The following TNFRSF10D variants were observed in gnomAD, a reference collection of about 807,000 sequenced individuals.
TNFRSF10D encodes the protein TNF receptor superfamily member 10d.
In TNFRSF10D, 28 loss-of-function variants were observed where a neutral mutation model predicts 42.1. That is an observed-to-expected ratio of 0.66 (90% CI 0.49 to 0.91). The LOEUF (loss-of-function observed/expected upper bound fraction) is 0.91, where lower values mean the gene tolerates loss of function less well. TNFRSF10D is among the 40% of genes least tolerant of loss of function. TNFRSF10D has a pLI of 0.00. For synonymous variants in TNFRSF10D, 186 were observed against 189.4 expected (o/e 0.98, Z 0.15); for missense variants, 503 against 486.1 (o/e 1.03, Z -0.33).
At chr8:23,147,710 T>C (rs992434500) in intron 3 of TNFRSF10D, among the ~76,000 whole-genome samples, 3 of 152,000 alleles carry the variant, frequency 2.0e-5, no homozygotes, top group Non-Finnish European at 2.9e-5. Context: ...GCGGATCACC[T>C]GAGGTCGGGA....
intron 4 of TNFRSF10D, among the ~76,000 whole-genome samples, chr8:23,146,419 G>A (rs959986846): frequency 8.5e-5 from 13 of 152,330 alleles, no homozygotes; most frequent in Non-Finnish European, 1.3e-4. Flanking sequence ...GACTTAGTGA[G>A]AAATCGGGGG....
At chr8:23,138,096 C>G (rs888220492) in intron 8 of TNFRSF10D, 92 bp downstream of exon 8, 21 of 1,609,198 alleles carry the variant, frequency 1.3e-5, no homozygotes, top group Non-Finnish European at 1.4e-5. Flanking sequence ...AGTGAAACCT[C>G]CAGAAGAGCC....
chr8:23,161,467 T>C (rs1315939686), intron 1 of TNFRSF10D, among the ~76,000 whole-genome samples: 1 of 152,230 alleles, frequency 6.6e-6, no homozygotes, highest in Non-Finnish European at 1.5e-5. Flanking sequence ...GATGTCCTCC[T>C]GACAGCCTGA....
At chr8:23,163,658 G>A (rs1800407981) in intron 1 of TNFRSF10D, 128 bp downstream of exon 1, 1 of 1,431,400 alleles carries the variant, frequency 7.0e-7, no homozygotes, top group Non-Finnish European at 9.4e-7. Flanking sequence ...CGGCGGGTTC[G>A]TCCTGCCCAG....
intron 3 of TNFRSF10D, among the ~76,000 whole-genome samples, chr8:23,147,518 A>G (rs11135702): frequency 0.2 from 30,154 of 152,136 alleles, 3,446 homozygotes; most frequent in East Asian, 0.5. Flanking sequence ...GACCTGTGCC[A>G]CTGCTGGAAC....
rs1403276015 is a variant in TNFRSF10D, at chr8:23,145,697, A to T, written c.707T>A (p.Phe236Tyr). 3.7e-6 allele frequency: 6 copies of T among 1,614,034 alleles called. No homozygotes were observed. The highest frequency in any genetic ancestry group is 4.2e-6 in the Non-Finnish European group (5 of 1,180,038). Reference sequence around the variant, plus strand: ...GCAGATGCCTTTGAGGTAAGAAATGAATTTCTTCCGACATGAAAAGCCAAC... The same window carrying T: ...GCAGATGCCTTTGAGGTAAGAAATGTATTTCTTCCGACATGAAAAGCCAAC... ...VVVGFSCRKK[F>Y]ISYLKGICSG... Residue 236 changes from phenylalanine to tyrosine, a missense_variant, in exon 5 of 9, where the codon TTC becomes TAC. Coordinates refer to ENST00000312584, the MANE Select transcript of TNFRSF10D (RefSeq NM_003840.5).
rs112816138 is a variant in TNFRSF10D, at chr8:23,137,837, T to C, written c.*33A>G. ...TTCCCTTTGTAGGAGAAAAGGTAAATGAGGGAAGCTCTGGTTTCCTGAAGA... is the reference window on the plus strand; with the variant it reads ...TTCCCTTTGTAGGAGAAAAGGTAAACGAGGGAAGCTCTGGTTTCCTGAAGA... On this transcript the variant is annotated 3_prime_UTR_variant, in exon 9 of 9. Coordinates refer to ENST00000312584, the MANE Select transcript of TNFRSF10D (RefSeq NM_003840.5). The C allele has an allele frequency of 2.2e-3, 3,480 of 1,595,344 alleles. 2 individuals carry two copies. The highest frequency in any genetic ancestry group is 0.019 in the African/African-American group (1,365 of 73,758).
At chr8:23,156,640 C>T (rs1299978645) in intron 1 of TNFRSF10D, among the ~76,000 whole-genome samples, 1 of 151,642 alleles carries the variant, frequency 6.6e-6, no homozygotes, top group East Asian at 1.9e-4. Flanking sequence ...TCTCTGCTCA[C>T]TACAATCTCT....
intron 3 of TNFRSF10D, among the ~76,000 whole-genome samples, chr8:23,147,567 AAT>A (rs1373630022): frequency 1.3e-5 from 2 of 152,206 alleles, no homozygotes; most frequent in East Asian, 3.8e-4. Flanking sequence ...TCTATGCTGT[AAT>A]GATGCCCCCA....
In TNFRSF10D at chr8:23,138,200, C is replaced by T; in HGVS notation, c.1015G>A (p.Asp339Asn). ...RRLLVPVNDADSADISTLLDA... is the reference protein window; with the variant it reads ...RRLLVPVNDANSADISTLLDA... ...ACAAAACACTTACTGTCAGCGGAGT[C>T]AGCGTCATTCACTGGAACCAGCAGC... The change falls in exon 8 of 9, where the codon GAC (aspartate) becomes AAC (asparagine). Residue 339 changes from aspartate (D) to asparagine (N), a missense_variant. Physicochemically the swap from Asp to Asn is conservative, Grantham distance 23. Transcript: ENST00000312584. 2 of 1,614,208 alleles carry T rather than the reference C, an allele frequency of 1.2e-6. No homozygotes were observed. Among genetic ancestry groups the T allele is most frequent in the Non-Finnish European group, 8.5e-7 (1 of 1,180,038 alleles).
chr8:23,158,632 ACTC>A (rs905835411), intron 1 of TNFRSF10D, among the ~76,000 whole-genome samples: 1 of 152,082 alleles, frequency 6.6e-6, no homozygotes, highest in African/African-American at 2.4e-5. Flanking sequence ...TAATTTTTTT[ACTC>A]CTTTTTCCCC....
At chr8:23,157,826 G>C (rs994450179) in intron 1 of TNFRSF10D, among the ~76,000 whole-genome samples, 1 of 152,196 alleles carries the variant, frequency 6.6e-6, no homozygotes, top group Non-Finnish European at 1.5e-5. Flanking sequence ...AGTCAGGTAT[G>C]AGCAGGGTAG....
At chr8:23,158,921 C>T (rs115909398) in intron 1 of TNFRSF10D, among the ~76,000 whole-genome samples, 984 of 152,182 alleles carry the variant, frequency 6.5e-3, no homozygotes, top group African/African-American at 0.019. Context: ...ACATGTCTAC[C>T]GTCCTGCAGT....
In TNFRSF10D at chr8:23,148,363, G is replaced by T; in HGVS notation, c.370+75C>A. On this transcript the variant is annotated intron_variant, in intron 3 of 8. Transcript: ENST00000312584. ...AAGTTGGGCTAGAACTTGGTTCCCC[G>T]ACTCACATCGGCTACAGCTCCCACC... The T allele has an allele frequency of 4.3e-6, 5 of 1,167,328 alleles. No homozygotes were observed. The South Asian group carries it at 7.0e-5, about 16-fold the overall frequency. 72.3% of individuals were successfully genotyped at this position (1,167,328 alleles called of 1,614,324 possible).
intron 1 of TNFRSF10D, among the ~76,000 whole-genome samples, chr8:23,159,065 T>C (rs1174876303): frequency 6.6e-6 from 1 of 152,164 alleles, no homozygotes; most frequent in Non-Finnish European, 1.5e-5. Flanking sequence ...GCATTCTGCT[T>C]GTATTCCTTC....
chr8:23,152,573 G>C (rs1800224884), intron 2 of TNFRSF10D, among the ~76,000 whole-genome samples: 1 of 152,166 alleles, frequency 6.6e-6, no homozygotes, highest in Non-Finnish European at 1.5e-5. Flanking sequence ...TTATTAATTG[G>C]GCAAAAGATG....
intron 7 of TNFRSF10D, among the ~76,000 whole-genome samples, chr8:23,139,203 T>A (rs1307533477): frequency 1.4e-5 from 2 of 146,274 alleles, no homozygotes; most frequent in Non-Finnish European, 2.9e-5. Context: ...TACAAAATAC[T>A]AAACAGCCAT....
At chr8:23,154,717 T>A (rs1255090852) in intron 2 of TNFRSF10D, among the ~76,000 whole-genome samples, 157 bp downstream of exon 2, 1 of 152,240 alleles carries the variant, frequency 6.6e-6, no homozygotes, top group Non-Finnish European at 1.5e-5. Flanking sequence ...GACTTTTAAG[T>A]GTTCTTACAA....
In TNFRSF10D at chr8:23,163,941, G is replaced by C. The variant is rs200464773; in HGVS notation, c.-6C>G. 1,824 of 1,561,506 alleles carry C rather than the reference G, an allele frequency of 1.2e-3. 3 individuals carry two copies. Among genetic ancestry groups the C allele is most frequent in the Middle Eastern group, 2.2e-3 (13 of 5,920 alleles). On this transcript the variant is annotated 5_prime_UTR_variant, in exon 1 of 9. Coordinates refer to ENST00000312584, the MANE Select transcript of TNFRSF10D (RefSeq NM_003840.5). ...CTTTGTCCCCAAAGTCCCATGAGAA[G>C]GGAGGAGGGTGGATCGAAAGCGCCA... is the stretch of plus-strand genomic sequence containing the variant.
Sources: gnomAD v4.1 joint callset for allele counts (sites outside exome capture counted in the v4.1 genomes callset) on GRCh38, gnomAD v4.1.1 for gene constraint, MANE v1.5 for transcripts, NCBI Gene and HGNC (gene_info 2026-07-23, HGNC 2026-07-21) for gene names.